Variants in SEMA5A observed in about 807,000 individuals in gnomAD.
SEMA5A encodes the protein semaphorin 5A.
In SEMA5A, 55 loss-of-function variants were observed where a neutral mutation model predicts 135.5. The observed-to-expected ratio is 0.41, with a 90% CI of 0.33 to 0.51. SEMA5A has a LOEUF of 0.51. SEMA5A is among the 20% of genes least tolerant of loss of function. The probability of loss-of-function intolerance (pLI) is 0.37; values close to 1 mark genes in which losing one functional copy is unlikely to be tolerated. For missense variants in SEMA5A, 1,290 were observed against 1,419.9 expected (o/e 0.91, Z 1.47); for synonymous variants, 580 against 546.5 (o/e 1.06, Z -0.85).
intron 1 of SEMA5A, among the ~76,000 whole-genome samples, chr5:9,442,360 T>C (rs1230020336): frequency 6.6e-6 from 1 of 152,120 alleles, no homozygotes; most frequent in African/African-American, 2.4e-5. Flanking sequence ...TACATCCTTG[T>C]GGGGGAAGAA....
intron 5 of SEMA5A, among the ~76,000 whole-genome samples, chr5:9,246,176 G>T (rs1337607021): frequency 6.6e-6 from 1 of 152,002 alleles, no homozygotes; most frequent in Non-Finnish European, 1.5e-5. Flanking sequence ...ATGCAAGTAG[G>T]ATTGGTTTAA....
intron 8 of SEMA5A, among the ~76,000 whole-genome samples, chr5:9,207,450 G>T (rs1746094368): frequency 6.6e-6 from 1 of 152,132 alleles, no homozygotes; most frequent in Non-Finnish European, 1.5e-5. Context: ...CTCCCAAAGT[G>T]CTGGGATTAT....
intron 1 of SEMA5A, among the ~76,000 whole-genome samples, chr5:9,470,903 T>A (rs956541416): frequency 6.6e-6 from 1 of 152,298 alleles, no homozygotes; most frequent in South Asian, 2.1e-4. Flanking sequence ...TAGAAACTGA[T>A]GCAGATTTTA....
Position 9,101,096 on chromosome 5 carries a change from C to A in SEMA5A, c.2073+7044G>T, listed in dbSNP as rs116805763. Among the ~76,000 whole-genome samples, 203 of 152,330 alleles carry A rather than the reference C, an allele frequency of 1.3e-3. 4 individuals are homozygous for A. The highest frequency in any genetic ancestry group is 4.3e-3 in the African/African-American group (178 of 41,578). ...CCACCAGGGATTATCTCAATAAGTG[C>A]TTAACTGTTTTCGGTTTTTAGTTAG... On this transcript the variant is annotated intron_variant, in intron 16 of 22. Transcript: ENST00000382496.
chr5:9,303,789 GAAACA>G (rs1378390408), intron 5 of SEMA5A, among the ~76,000 whole-genome samples: 1 of 151,836 alleles, frequency 6.6e-6, no homozygotes, highest in Non-Finnish European at 1.5e-5. Context: ...AGAATCCAAA[GAAACA>G]AAAGACAATC....
At chr5:9,235,180 T>C (rs560916606) in intron 6 of SEMA5A, among the ~76,000 whole-genome samples, 6 of 152,256 alleles carry the variant, frequency 3.9e-5, no homozygotes, top group African/African-American at 1.4e-4. Context: ...GGACAAGGAG[T>C]ATAAGGAGAC....
At chr5:9,319,923 A>G (rs1752552240) in intron 4 of SEMA5A, among the ~76,000 whole-genome samples, 2 of 152,146 alleles carry the variant, frequency 1.3e-5, no homozygotes. Flanking sequence ...CCTTGAGATG[A>G]CCAAGAAACA....
At chr5:9,338,104 G>A (rs1753477786) in intron 3 of SEMA5A, among the ~76,000 whole-genome samples, 1 of 152,180 alleles carries the variant, frequency 6.6e-6, no homozygotes, top group Non-Finnish European at 1.5e-5. Flanking sequence ...GGGCTGGGCA[G>A]AAAATAACAC....
intron 16 of SEMA5A, among the ~76,000 whole-genome samples, chr5:9,082,795 T>A (rs1738463118): frequency 6.6e-6 from 1 of 152,186 alleles, no homozygotes. Context: ...GGAGAAATCA[T>A]CCTTTCTTCC....
At chr5:9,408,579 G>A (rs1373644612) in intron 2 of SEMA5A, among the ~76,000 whole-genome samples, 1 of 152,178 alleles carries the variant, frequency 6.6e-6, no homozygotes, top group Non-Finnish European at 1.5e-5. Context: ...CCTACATCGT[G>A]CTTAGTAGGT....
intron 10 of SEMA5A, among the ~76,000 whole-genome samples, chr5:9,194,632 C>T (rs1745292132): frequency 6.6e-6 from 1 of 152,200 alleles, no homozygotes; most frequent in Admixed American, 6.5e-5. Flanking sequence ...AAAACACTTG[C>T]TGTGTACTTG....
chr5:9,168,953 G>A (rs1743762354), intron 11 of SEMA5A, among the ~76,000 whole-genome samples: 1 of 151,990 alleles, frequency 6.6e-6, no homozygotes, highest in African/African-American at 2.4e-5. Context: ...ACACACATTT[G>A]AGTCATTCCT....
rs755393185 is a variant in SEMA5A at position 9,190,354 on chromosome 5, T to C, written c.1186A>G (p.Met396Val). The change falls in exon 11 of 23, where the codon ATG becomes GTG. Residue 396 changes from methionine to valine, a missense_variant. Met to Val is a conservative substitution (Grantham distance 21). Transcript: ENST00000382496. ...VQPVTTVPSF[M>V]EDNSRFSHVA... is the part of the protein sequence containing the mutation. ...TGGGAAAAGCGGCTATTGTCCTCCA[T>C]GAAGGAGGGCACTGTGGTCACTGGC... The C allele has an allele frequency of 1.2e-6, 2 of 1,614,028 alleles. No individual in the cohort carries two copies. Among genetic ancestry groups the C allele is most frequent in the Non-Finnish European group, 8.5e-7 (1 of 1,180,008 alleles).
intron 21 of SEMA5A, among the ~76,000 whole-genome samples, chr5:9,046,811 G>T (rs748306126): frequency 3.9e-5 from 6 of 152,216 alleles, no homozygotes; most frequent in Non-Finnish European, 7.3e-5. Flanking sequence ...AAGGGAGGCT[G>T]CTTTCTCTCT....
chr5:9,087,907 T>C (rs1172783650), intron 16 of SEMA5A, among the ~76,000 whole-genome samples: 2 of 152,224 alleles, frequency 1.3e-5, no homozygotes, highest in Admixed American at 6.5e-5. Context: ...TTTAAGCAAG[T>C]GTATTGACTG....
chr5:9,500,254 C>T (rs1254506881), intron 1 of SEMA5A, among the ~76,000 whole-genome samples: 1 of 152,198 alleles, frequency 6.6e-6, no homozygotes, highest in African/African-American at 2.4e-5. Context: ...AAATGCAGCG[C>T]ATGGCTTGAA....
intron 11 of SEMA5A, among the ~76,000 whole-genome samples, chr5:9,160,608 A>G (rs868845418): frequency 6.6e-6 from 1 of 151,996 alleles, no homozygotes; most frequent in Non-Finnish European, 1.5e-5. Context: ...CCTCCTCGGC[A>G]CAGATCACTA....
intron 3 of SEMA5A, among the ~76,000 whole-genome samples, chr5:9,353,354 G>GAAGGAAAGGGAAGGA (rs1754289134): frequency 7.4e-5 from 4 of 54,366 alleles, no homozygotes; most frequent in Non-Finnish European, 1.5e-4. Context: ...AAAGGAAAGG[G>GAAGGAAAGGGAAGGA]AAGGAAAGGA....
At chr5:9,284,271 T>G (rs1269239608) in intron 5 of SEMA5A, among the ~76,000 whole-genome samples, 1 of 152,160 alleles carries the variant, frequency 6.6e-6, no homozygotes, top group Non-Finnish European at 1.5e-5. Context: ...TGAAAGCATA[T>G]CATAATGAAT....
Sources: gnomAD v4.1 joint callset for allele counts (sites outside exome capture counted in the v4.1 genomes callset) on GRCh38, gnomAD v4.1.1 for gene constraint, MANE v1.5 for transcripts, NCBI Gene and HGNC (gene_info 2026-07-23, HGNC 2026-07-21) for gene names.